ATAD1: variants seen among roughly 807,000 people sequenced by gnomAD.
ATAD1 encodes the protein ATPase family AAA domain containing 1, also known as outer mitochondrial transmembrane helix translocase.
A neutral mutation model predicts 42.7 loss-of-function variants in ATAD1; 18 were observed. The observed-to-expected ratio is 0.42, with a 90% CI of 0.29 to 0.63. The LOEUF (loss-of-function observed/expected upper bound fraction) is 0.63. Among genes scored for constraint, ATAD1 ranks in the 20% least tolerant of loss-of-function variants. ATAD1 has a pLI of 0.19. For synonymous variants in ATAD1, 132 were observed against 143.1 expected, an observed-to-expected ratio of 0.92 and a Z score of 0.55; for missense variants, 294 against 440.4, an observed-to-expected ratio of 0.67 and a Z score of 2.98.
chr10:87,793,340 A>T (rs1856220675), intron 2 of ATAD1, among the ~76,000 whole-genome samples: 1 of 152,228 alleles, frequency 6.6e-6, no homozygotes, highest in Non-Finnish European at 1.5e-5. Flanking sequence ...TAACTCTAAC[A>T]ACCAGCATTA....
chr10:87,773,384 T>G (rs1299732443), intron 6 of ATAD1, among the ~76,000 whole-genome samples: 2 of 152,162 alleles, frequency 1.3e-5, no homozygotes, highest in African/African-American at 4.8e-5. Flanking sequence ...TATTTCTATT[T>G]CCTTGGTGAC....
At chr10:87,796,831 C>T (rs1856414538) in intron 2 of ATAD1, among the ~76,000 whole-genome samples, 1 of 152,088 alleles carries the variant, frequency 6.6e-6, no homozygotes, top group East Asian at 1.9e-4. Flanking sequence ...CTGTGAGTAT[C>T]CCCTCCAGAT....
At chr10:87,831,507 G>A (rs149432986) in intron 1 of ATAD1, among the ~76,000 whole-genome samples, 96 of 152,108 alleles carry the variant, frequency 6.3e-4, no homozygotes, top group Middle Eastern at 3.4e-3. Context: ...CACAATTTAG[G>A]ATCAAACTAT....
intron 2 of ATAD1, among the ~76,000 whole-genome samples, chr10:87,799,393 T>A (rs1856571952): frequency 6.6e-6 from 1 of 152,254 alleles, no homozygotes; most frequent in Non-Finnish European, 1.5e-5. Flanking sequence ...TAACTTCTAA[T>A]CTTGTGGCTT....
intron 5 of ATAD1, among the ~76,000 whole-genome samples, chr10:87,781,672 G>T (rs78085673): frequency 0.016 from 2,419 of 151,940 alleles, 63 homozygotes; most frequent in African/African-American, 0.054. Context: ...ATGGGGTCTT[G>T]CTCTGTTGCC....
chr10:87,770,865 C>T (rs1163666377), intron 7 of ATAD1, 87 bp downstream of exon 7: 1 of 1,242,322 alleles, frequency 8.0e-7, no homozygotes, highest in Non-Finnish European at 1.1e-6. Context: ...CCCTATATGA[C>T]AAAATATTCC....
At chr10:87,765,484 G>C (rs558470374) in intron 8 of ATAD1, among the ~76,000 whole-genome samples, 66 of 108,662 alleles carry the variant, frequency 6.1e-4, no homozygotes, top group African/African-American at 1.4e-3. Flanking sequence ...GAAGCCATAG[G>C]GGGGGTGGGT....
At chr10:87,790,124 A>G (rs1473912455) in intron 4 of ATAD1, among the ~76,000 whole-genome samples, 186 bp downstream of exon 4, 1 of 152,240 alleles carries the variant, frequency 6.6e-6, no homozygotes, top group African/African-American at 2.4e-5. Context: ...TAACATGTAA[A>G]TACAGGAAAA....
chr10:87,806,442 T>C (rs575291294), intron 2 of ATAD1, among the ~76,000 whole-genome samples: 43 of 152,186 alleles, frequency 2.8e-4, no homozygotes, highest in Admixed American at 7.8e-4. Context: ...GGTGAGGCCC[T>C]CTCCAAATAC....
At chr10:87,764,731 G>A (rs1048375595) in intron 8 of ATAD1, among the ~76,000 whole-genome samples, 2 of 152,030 alleles carry the variant, frequency 1.3e-5, no homozygotes, top group African/African-American at 4.8e-5. Context: ...CAATATTAGA[G>A]CAACAACTAC....
intron 2 of ATAD1, among the ~76,000 whole-genome samples, chr10:87,810,136 C>A (rs1158775741): frequency 6.6e-6 from 1 of 151,976 alleles, no homozygotes; most frequent in Non-Finnish European, 1.5e-5. Flanking sequence ...TATTTCCATT[C>A]ATTTCATTAT....
Position 87,825,409 on chromosome 10 carries a change from A to T in ATAD1, c.-13-10797T>A, listed in dbSNP as rs1857708001. ...ACCGCAACCTCCACCTCCTAGGTTC[A>T]CGCCATTCTCCTGCTTCAGCCTCCC... On this transcript the variant is annotated intron_variant, in intron 1 of 4. Coordinates refer to the ATAD1 transcript ENST00000495903. Among the ~76,000 whole-genome samples the T allele has an allele frequency of 2.0e-5, 3 of 146,986 alleles. No homozygotes were observed. The South Asian group carries it at 6.3e-4, about 31-fold the overall frequency.
intron 2 of ATAD1, among the ~76,000 whole-genome samples, chr10:87,798,234 A>G (rs1011264210): frequency 6.6e-6 from 1 of 152,130 alleles, no homozygotes; most frequent in African/African-American, 2.4e-5. Context: ...GCACACATCC[A>G]TCCACACATA....
At chr10:87,760,920 A>G (rs1311934856) in intron 8 of ATAD1, among the ~76,000 whole-genome samples, 1 of 152,224 alleles carries the variant, frequency 6.6e-6, no homozygotes, top group African/African-American at 2.4e-5. Context: ...CTTAAGCCAA[A>G]ATCACTACAC....
rs12261572 is a variant in ATAD1 at position 87,763,628 on chromosome 10, A to G, written c.831+4045T>C. 7.3e-3 allele frequency among the ~76,000 whole-genome samples: 1,112 copies of G among 152,240 alleles called. 9 individuals are homozygous for G. Among genetic ancestry groups the G allele is most frequent in the African/African-American group, 0.026 (1,065 of 41,534 alleles). On this transcript the variant is annotated intron_variant, in intron 8 of 9. Transcript: ENST00000680024. ...ATCAAGGTTGCAGTGCACTATGATC[A>G]TATCACAGCACTTTAGCCTGGGTAA... is the stretch of plus-strand genomic sequence containing the variant.
chr10:87,792,526 T>C (rs11202557), intron 3 of ATAD1, 131 bp downstream of exon 3: 193,161 of 652,094 alleles, frequency 0.3, 29,636 homozygotes, highest in African/African-American at 0.36. Flanking sequence ...GGAATACAAC[T>C]ATATGCCGAG....
At chr10:87,830,514 CT>C (rs1439899989) in intron 1 of ATAD1, among the ~76,000 whole-genome samples, 1 of 152,146 alleles carries the variant, frequency 6.6e-6, no homozygotes, top group East Asian at 1.9e-4. Context: ...TTTTTCCCCC[CT>C]GTCTTATGGT....
chr10:87,821,897 T>TCTGC (rs1857638405), upstream of ATAD1, among the ~76,000 whole-genome samples: 1 of 152,208 alleles, frequency 6.6e-6, no homozygotes, highest in East Asian at 1.9e-4. Context: ...TTTGAGAAAT[T>TCTGC]CTGCCCTAGT....
At chr10:87,787,430 C>A (rs1487069418) in intron 4 of ATAD1, among the ~76,000 whole-genome samples, 2 of 151,960 alleles carry the variant, frequency 1.3e-5, no homozygotes, top group African/African-American at 2.4e-5. Flanking sequence ...CCAACCTGGG[C>A]CACAAAGTGA....
Sources: gnomAD v4.1 joint callset for allele counts (sites outside exome capture counted in the v4.1 genomes callset) on GRCh38, gnomAD v4.1.1 for gene constraint, MANE v1.5 for transcripts, NCBI Gene and HGNC (gene_info 2026-07-23, HGNC 2026-07-21) for gene names.